Variants in HSH2D observed in about 807,000 individuals in gnomAD.
HSH2D encodes hematopoietic SH2 domain containing.
In HSH2D, 16 loss-of-function variants were observed where a neutral mutation model predicts 21.5. The ratio of observed to expected loss-of-function variants is 0.74; its 90% CI spans 0.50 to 1.13. The LOEUF (loss-of-function observed/expected upper bound fraction) is 1.13, where lower values mean the gene tolerates loss of function less well. Among genes scored for constraint, HSH2D ranks in the 50% most tolerant of loss-of-function variants. HSH2D has a pLI of 0.00. For synonymous variants in HSH2D, 172 were observed against 184.7 expected, an observed-to-expected ratio of 0.93 and a Z score of 0.56; for missense variants, 418 against 441.4, an observed-to-expected ratio of 0.95 and a Z score of 0.47.
intron 2 of HSH2D, 77 bp from the exon 3 acceptor site, chr19:16,152,475 T>C (rs2091172157): frequency 5.2e-6 from 4 of 768,020 alleles, no homozygotes; most frequent in Non-Finnish European, 7.7e-6. Flanking sequence ...CCATGAATGA[T>C]CCCATGGCCC....
At chr19:16,150,340 G>A (rs2091131266) in intron 2 of HSH2D, among the ~76,000 whole-genome samples, 1 of 152,118 alleles carries the variant, frequency 6.6e-6, no homozygotes, top group Non-Finnish European at 1.5e-5. Context: ...AGGAGTTTGA[G>A]ACCAGCCTGG....
intron 3 of HSH2D, 38 bp downstream of exon 3, chr19:16,152,679 G>C (rs1156993631): frequency 1.3e-6 from 2 of 1,484,574 alleles, no homozygotes; most frequent in Admixed American, 4.0e-5. Flanking sequence ...GGGGCAGGTG[G>C]GCTCTTGGGT....
chr19:16,154,275 G>A, intron 4 of HSH2D, 124 bp from the exon 5 acceptor site: 1 of 587,408 alleles, frequency 1.7e-6, no homozygotes, highest in Non-Finnish European at 3.0e-6. Flanking sequence ...AACGCTTAGT[G>A]GGCGTGGCCT....
chr19:16,146,286 A>C (rs2091068408), intron 1 of HSH2D, among the ~76,000 whole-genome samples: 1 of 152,268 alleles, frequency 6.6e-6, no homozygotes, highest in Admixed American at 6.5e-5. Context: ...TTAATGATGC[A>C]TCTGACATAT....
intron 1 of HSH2D, among the ~76,000 whole-genome samples, chr19:16,137,053 T>C (rs2090968750): frequency 3.3e-5 from 5 of 152,190 alleles, no homozygotes; most frequent in Admixed American, 3.3e-4. Context: ...TTGTTCTCCA[T>C]GGCCATGAGA....
chr19:16,157,709 A>C lies in HSH2D; in HGVS notation c.974A>C (p.Glu325Ala). The change falls in exon 6 of 6, where the codon GAG (glutamate) becomes GCG (alanine). Residue 325 changes from glutamate (E) to alanine (A), a missense_variant. Transcript: ENST00000613986. This position sits in a 1 kb window ranked among gnomAD's most constrained non-coding sequence, Gnocchi z 4.4. ...CTATCCTCCCAGGAGTCCAAGCCAG[A>C]GCACCAGGGCTTGGCAGAGCCTGAG... ...RALSSQESKP[E>A]HQGLAEPEND... 1 of 1,613,448 alleles carries C rather than the reference A, an allele frequency of 6.2e-7. No individual in the cohort carries two copies. Among genetic ancestry groups the C allele is most frequent in the East Asian group, 2.2e-5 (1 of 44,866 alleles).
chr19:16,148,870 AAG>A lies in HSH2D; in HGVS notation c.125_125+1del. 3 of 1,612,012 alleles carry A rather than the reference AAG, an allele frequency of 1.9e-6. No homozygotes were observed. Among genetic ancestry groups the A allele is most frequent in the Non-Finnish European group, 2.5e-6 (3 of 1,178,880 alleles). On this transcript the variant is annotated frameshift_variant, in exon 2 of 6. Transcript: ENST00000613986. LOFTEE classifies it high-confidence loss of function. ...CCGAGTGGTTCCATGGTGCAATCTC[AAG>A]AGAGTGAGGACACACCCACACCCTC... ...VPEWFHGAIS[R>X]EDAENLLESQ...
chr19:16,151,393 C>A, intron 2 of HSH2D: 1 of 331,192 alleles, frequency 3.0e-6, no homozygotes, highest in South Asian at 2.2e-5. Flanking sequence ...TTTGGGAGCA[C>A]TTACCAGGTA....
rs544099644 is a variant in HSH2D, at chr19:16,155,253, G to A, written c.474+762G>A. Reference sequence around the variant, plus strand: ...ACAAATGAAACAGGCTGGTGTGATGGACATCAGTGGAGGTGGGGGGTGCAA... The same window carrying A: ...ACAAATGAAACAGGCTGGTGTGATGAACATCAGTGGAGGTGGGGGGTGCAA... On this transcript the variant is annotated intron_variant, in intron 5 of 5. Transcript: ENST00000613986. Among the ~76,000 whole-genome samples the A allele has an allele frequency of 2.0e-5, 3 of 152,168 alleles. No individual in the cohort carries two copies. The South Asian group carries it at 6.2e-4, about 32-fold the overall frequency.
chr19:16,152,931 G>C (rs777545842), intron 3 of HSH2D, 112 bp from the exon 4 acceptor site: 1 of 1,291,346 alleles, frequency 7.7e-7, no homozygotes, highest in African/African-American at 1.5e-5. Flanking sequence ...AAGCCTGCAT[G>C]GGAACCTGGG....
chr19:16,139,118 G>A (rs573899553), upstream of HSH2D, among the ~76,000 whole-genome samples: 2 of 152,248 alleles, frequency 1.3e-5, no homozygotes, highest in South Asian at 2.1e-4. Context: ...TCGGCCTCCC[G>A]AAGAGCTGGG....
rs372833514 is a variant in HSH2D, at chr19:16,157,411, G to A, written c.676G>A (p.Ala226Thr). 12 of 1,613,684 alleles carry A rather than the reference G, an allele frequency of 7.4e-6. 1 individual carries two copies. In the African/African-American group the frequency reaches 1.5e-4, roughly 20 times the overall value. Residue 226 changes from alanine to threonine, a missense_variant, in exon 6 of 6, where the codon GCC becomes ACC. Transcript: ENST00000613986. This position sits in a 1 kb window ranked among gnomAD's most constrained non-coding sequence, Gnocchi z 4.4. ...RVRQQLKSHL[A>T]TVNLSSLLDV... is the part of the protein sequence containing the mutation. ...CCGGCAGCAGCTAAAAAGCCACCTC[G>A]CCACTGTGAACTTGTCGTCACTCTT...
chr19:16,136,951 A>AT (rs1330061705), intron 1 of HSH2D, among the ~76,000 whole-genome samples: 1 of 152,108 alleles, frequency 6.6e-6, no homozygotes, highest in Non-Finnish European at 1.5e-5. Flanking sequence ...CTGTCAATGC[A>AT]TTTTTTCAGG....
rs146761722 is a variant in HSH2D, at chr19:16,153,699, G to T, written c.381+491G>T. Reference sequence around the variant, plus strand: ...GTGGGCGTGGCCTGGCTCCCAATACGCTTTCCTTAGAAGGCTCAGTGGGTG... The same window carrying T: ...GTGGGCGTGGCCTGGCTCCCAATACTCTTTCCTTAGAAGGCTCAGTGGGTG... On this transcript the variant is annotated intron_variant, in intron 4 of 5. Coordinates refer to ENST00000613986, the MANE Select transcript of HSH2D (RefSeq NM_001382417.1). 8.9e-5 allele frequency among the ~76,000 whole-genome samples: 13 copies of T among 145,498 alleles called. No individual in the cohort carries two copies. In the East Asian group the frequency reaches 2.8e-3, roughly 31 times the overall value.
At chr19:16,144,014 G>A (rs548111491) in intron 1 of HSH2D, among the ~76,000 whole-genome samples, 2 of 152,244 alleles carry the variant, frequency 1.3e-5, no homozygotes, top group East Asian at 3.9e-4. Flanking sequence ...AGAGGCAAGA[G>A]AGAGAGAGCA....
chr19:16,152,541 T>C lies in HSH2D; in HGVS notation c.126-11T>C. On this transcript the variant is annotated splice_polypyrimidine_tract_variant and intron_variant, in intron 2 of 5. Coordinates refer to ENST00000613986, the MANE Select transcript of HSH2D (RefSeq NM_001382417.1). ...GACTGTTTCATTTCCTTTCTGTGTGTGCCCTTCCAGGGATGCTGAGAACTT... is the reference window on the plus strand; with the variant it reads ...GACTGTTTCATTTCCTTTCTGTGTGCGCCCTTCCAGGGATGCTGAGAACTT... The C allele has an allele frequency of 6.8e-7, 1 of 1,475,464 alleles. No individual in the cohort carries two copies. Among genetic ancestry groups the C allele is most frequent in the Non-Finnish European group, 9.0e-7 (1 of 1,112,684 alleles). The allele number at this position is 1,475,464 out of a possible 1,614,324, so 91.4% of individuals were successfully genotyped here. A position where few individuals can be genotyped will look rare whatever the true frequency, so the allele number is the denominator to read the frequency against.
intron 1 of HSH2D, among the ~76,000 whole-genome samples, chr19:16,134,516 C>T (rs2090946856): frequency 6.6e-6 from 1 of 152,342 alleles, no homozygotes; most frequent in Admixed American, 6.5e-5. Context: ...CTTTTCTGCA[C>T]ACACTATGCT....
chr19:16,135,007 A>G (rs1230977094), intron 1 of HSH2D, among the ~76,000 whole-genome samples: 1 of 151,366 alleles, frequency 6.6e-6, no homozygotes, highest in Non-Finnish European at 1.5e-5. Context: ...GCAGTGGCGC[A>G]TGCCTCATCC....
rs541339961 is a variant in HSH2D at position 16,147,959 on chromosome 19, TTTG to T, written c.-27-753_-27-751del. Among the ~76,000 whole-genome samples, 105 of 151,282 alleles carry T rather than the reference TTTG, an allele frequency of 6.9e-4. 1 individual carries two copies. The highest frequency in any genetic ancestry group is 8.4e-4 in the South Asian group (4 of 4,782). ...CACGCCCAGCCACACAAGCCAGTTTTTTGTTGTTGTTGTTTTTGAAACATGGTC... is the reference window on the plus strand; with the variant it reads ...CACGCCCAGCCACACAAGCCAGTTTTTTGTTGTTGTTTTTGAAACATGGTC... On this transcript the variant is annotated intron_variant, in intron 1 of 5. Coordinates refer to ENST00000613986, the MANE Select transcript of HSH2D (RefSeq NM_001382417.1).
Sources: gnomAD v4.1 joint callset for allele counts (sites outside exome capture counted in the v4.1 genomes callset) on GRCh38, gnomAD v4.1.1 for gene constraint, Gnocchi (gnomAD v3.1) non-coding constraint, MANE v1.5 for transcripts, NCBI Gene and HGNC (gene_info 2026-07-23, HGNC 2026-07-21) for gene names.